GLRA2: variants seen among roughly 807,000 people sequenced by gnomAD.
GLRA2 encodes the protein glycine receptor alpha 2.
Under a neutral mutation model 31.6 loss-of-function variants are expected in GLRA2, and 11 were observed. The observed-to-expected ratio is 0.35, with a 90% CI of 0.22 to 0.58. GLRA2 has a LOEUF of 0.58. Ranked by LOEUF, GLRA2 falls within the 20% of genes least tolerant of loss-of-function variation. The probability of loss-of-function intolerance (pLI) is 0.84; values close to 1 mark genes in which losing one functional copy is unlikely to be tolerated. For synonymous variants in GLRA2, 132 were observed against 134.0 expected, an observed-to-expected ratio of 0.99 and a Z score of 0.10; for missense variants, 212 against 351.8, an observed-to-expected ratio of 0.60 and a Z score of 3.18.
intron 7 of GLRA2, among the ~76,000 whole-genome samples, chrX:14,637,677 T>C (rs1281230142): frequency 8.9e-6 from 1 of 111,793 alleles, no homozygotes. Flanking sequence ...TTAATGTGTT[T>C]GATTACAGGG....
At chrX:14,592,641 C>T (rs926332242) in intron 4 of GLRA2, among the ~76,000 whole-genome samples, 12 of 111,062 alleles carry the variant, frequency 1.1e-4, no homozygotes, top group Non-Finnish European at 2.1e-4. Context: ...CACTGCACTC[C>T]GGCCTTGATG....
chrX:14,501,308 A>G, the GLRA2 span, among the ~76,000 whole-genome samples: 2 of 112,097 alleles, frequency 1.8e-5, no homozygotes, highest in African/African-American at 6.5e-5. Context: ...TATTGTGGCC[A>G]GTTGGGTCCC....
chrX:14,679,039 C>G (rs2091172750), intron 7 of GLRA2, among the ~76,000 whole-genome samples: 1 of 111,141 alleles, frequency 9.0e-6, no homozygotes, highest in African/African-American at 3.3e-5. Flanking sequence ...ATCCAGCTTA[C>G]TGGTAGAGGA....
At chrX:14,512,456 A>T in the GLRA2 span, among the ~76,000 whole-genome samples, 2 of 111,959 alleles carry the variant, frequency 1.8e-5, no homozygotes, top group East Asian at 5.6e-4. Flanking sequence ...AAGGGCATCC[A>T]AATCAGTAAA....
At chrX:14,553,138 G>T (rs2089589356) in intron 2 of GLRA2, among the ~76,000 whole-genome samples, 3 of 111,922 alleles carry the variant, frequency 2.7e-5, no homozygotes, top group Non-Finnish European at 5.6e-5. Flanking sequence ...GATGGAGGTA[G>T]AAATATGTAA....
the GLRA2 span, among the ~76,000 whole-genome samples, chrX:14,501,597 G>A: frequency 9.0e-6 from 1 of 111,224 alleles, no homozygotes; most frequent in Non-Finnish European, 1.9e-5. Flanking sequence ...TCTATCCTAC[G>A]AGCCGTTCCA....
intron 8 of GLRA2, among the ~76,000 whole-genome samples, chrX:14,723,572 A>T (rs982459587): frequency 8.9e-6 from 1 of 111,795 alleles, no homozygotes; most frequent in Admixed American, 9.5e-5. Flanking sequence ...CTCAAAATAA[A>T]GCTTCATCAG....
intron 7 of GLRA2, among the ~76,000 whole-genome samples, chrX:14,641,520 C>T (rs1418049822): frequency 9.0e-6 from 1 of 110,873 alleles, no homozygotes; most frequent in East Asian, 2.8e-4. Context: ...ATTTACATAC[C>T]TCTGATACCT....
chrX:14,632,221 A>G (rs1010890567), intron 7 of GLRA2, among the ~76,000 whole-genome samples: 3 of 110,026 alleles, frequency 2.7e-5, no homozygotes, highest in African/African-American at 9.9e-5. Flanking sequence ...TTTTCCAAAT[A>G]TATTTTAACC....
chrX:14,681,910 A>AAAAAAAAAAATATATAT (rs758563376), intron 7 of GLRA2, among the ~76,000 whole-genome samples: 1 of 41,292 alleles, frequency 2.4e-5, no homozygotes, highest in African/African-American at 1.2e-4. Context: ...AAAAAAAAAA[A>AAAAAAAAAAATATATAT]ATATATATAT....
chrX:14,453,934 A>G, the GLRA2 span, among the ~76,000 whole-genome samples: 14 of 111,858 alleles, frequency 1.3e-4, no homozygotes, highest in African/African-American at 4.5e-4. Context: ...AAAGAGGCCA[A>G]TCCCAAAAAA....
chrX:14,656,048 C>A (rs1270630393), intron 7 of GLRA2, among the ~76,000 whole-genome samples: 2 of 112,067 alleles, frequency 1.8e-5, no homozygotes, highest in East Asian at 5.6e-4. Flanking sequence ...CCCAGACCTA[C>A]TGCATCACAA....
chrX:14,568,152 G>T (rs759239970), intron 2 of GLRA2, among the ~76,000 whole-genome samples: 1 of 111,803 alleles, frequency 8.9e-6, no homozygotes, highest in South Asian at 3.7e-4. Context: ...TAAATTGCAA[G>T]GGGCCCTGAA....
chrX:14,467,468 A>G, the GLRA2 span, among the ~76,000 whole-genome samples: 1 of 112,187 alleles, frequency 8.9e-6, no homozygotes, highest in African/African-American at 3.2e-5. Context: ...TATTCTTTAA[A>G]TGTCTTGGAA....
intron 2 of GLRA2, among the ~76,000 whole-genome samples, chrX:14,552,176 A>T (rs1239397420): frequency 8.9e-6 from 1 of 112,094 alleles, no homozygotes; most frequent in Non-Finnish European, 1.9e-5. Context: ...CAGACATAAA[A>T]CAAGTCTGAG....
the GLRA2 span, among the ~76,000 whole-genome samples, chrX:14,467,096 A>G: frequency 8.9e-5 from 10 of 112,452 alleles, no homozygotes; most frequent in Non-Finnish European, 1.7e-4. Flanking sequence ...TATATGTGCT[A>G]TATTTTGATG....
chrX:14,581,912 TCTTAA>T (rs1298872172), intron 4 of GLRA2, among the ~76,000 whole-genome samples: 6 of 110,843 alleles, frequency 5.4e-5, no homozygotes, highest in Non-Finnish European at 1.1e-4. Context: ...GACCTTGATC[TCTTAA>T]CTTTTCTTGG....
the GLRA2 span, among the ~76,000 whole-genome samples, chrX:14,500,269 G>T: frequency 1.8e-5 from 2 of 111,753 alleles, no homozygotes; most frequent in African/African-American, 6.5e-5. Flanking sequence ...CTAGATGGCT[G>T]CCAGGTTTGC....
the GLRA2 span, among the ~76,000 whole-genome samples, chrX:14,479,015 CACAT>C: frequency 9.1e-6 from 1 of 110,068 alleles, no homozygotes; most frequent in Non-Finnish European, 1.9e-5. Flanking sequence ...TATTTTCTGT[CACAT>C]GCATGAAGGA....
Sources: allele counts gnomAD v4.1 joint callset (sites outside exome capture counted in the v4.1 genomes callset), GRCh38; gene constraint gnomAD v4.1.1; transcripts MANE v1.5; gene names NCBI Gene and HGNC (gene_info 2026-07-23, HGNC 2026-07-21).